The following MPPED2 variants were observed in gnomAD, a reference collection of about 807,000 sequenced individuals.
MPPED2 encodes the protein metallophosphoesterase MPPED2.
Under a neutral mutation model 33.0 loss-of-function variants are expected in MPPED2, and 5 were observed. The ratio of observed to expected loss-of-function variants is 0.15; its 90% CI spans 0.08 to 0.32. The LOEUF (loss-of-function observed/expected upper bound fraction) is 0.32. Ranked by LOEUF, MPPED2 falls within the 10% of genes least tolerant of loss-of-function variation. MPPED2 has a pLI of 1.00. For synonymous variants in MPPED2, 136 were observed against 141.9 expected (o/e 0.96, Z 0.29); for missense variants, 275 against 372.1 (o/e 0.74, Z 2.15).
chr11:30,487,019 A>G (rs1951772108), intron 4 of MPPED2, among the ~76,000 whole-genome samples: 1 of 152,224 alleles, frequency 6.6e-6, no homozygotes, highest in Admixed American at 6.5e-5. Context: ...TCATTCGTTC[A>G]GAAGACAGGG....
chr11:30,410,104 A>G (rs1041012734), downstream of MPPED2: 53 of 984,634 alleles, frequency 5.4e-5, no homozygotes, highest in Middle Eastern at 5.2e-4. Context: ...AAAATTAGGG[A>G]AAAAAATCAC....
At chr11:30,535,390 A>G (rs117034147) in intron 3 of MPPED2, among the ~76,000 whole-genome samples, 3,561 of 152,268 alleles carry the variant, frequency 0.023, 71 homozygotes, top group Admixed American at 0.053. Flanking sequence ...GGGTGCCTCC[A>G]CAATATCCAG....
At chr11:30,421,709 C>A (rs895838250) in intron 4 of MPPED2, among the ~76,000 whole-genome samples, 1 of 152,150 alleles carries the variant, frequency 6.6e-6, no homozygotes, top group Admixed American at 6.5e-5. Context: ...TGGGTTCTTC[C>A]CTTGCACAAT....
chr11:30,569,196 C>T (rs1019944126), intron 2 of MPPED2, among the ~76,000 whole-genome samples: 1 of 152,028 alleles, frequency 6.6e-6, no homozygotes, highest in East Asian at 1.9e-4. Context: ...CCACCACCAC[C>T]GAGGGGCACA....
intron 4 of MPPED2, among the ~76,000 whole-genome samples, chr11:30,419,540 C>T (rs890925756): frequency 1.1e-4 from 17 of 152,112 alleles, no homozygotes; most frequent in Non-Finnish European, 2.4e-4. Flanking sequence ...ATCTTTCCTC[C>T]GTCTTTTGGT....
chr11:30,494,537 A>T (rs923548080), intron 4 of MPPED2, among the ~76,000 whole-genome samples: 2 of 152,094 alleles, frequency 1.3e-5, no homozygotes, highest in Non-Finnish European at 1.5e-5. Context: ...CAGGAGTTCA[A>T]GACCAGCCTG....
intron 4 of MPPED2, among the ~76,000 whole-genome samples, chr11:30,485,089 A>G (rs1951660095): frequency 6.6e-6 from 1 of 152,208 alleles, no homozygotes; most frequent in African/African-American, 2.4e-5. Flanking sequence ...AACTTAACAT[A>G]CATGATCTTA....
intron 2 of MPPED2, among the ~76,000 whole-genome samples, chr11:30,538,178 A>C (rs531381307): frequency 1.2e-4 from 18 of 152,116 alleles, no homozygotes; most frequent in Non-Finnish European, 2.2e-4. Context: ...AAATATATGA[A>C]TAAATGTAAT....
At chr11:30,484,122 A>G (rs1355679976) in intron 4 of MPPED2, among the ~76,000 whole-genome samples, 1 of 152,084 alleles carries the variant, frequency 6.6e-6, no homozygotes, top group African/African-American at 2.4e-5. Context: ...ACCATTTTTT[A>G]TTTAATGTGA....
chr11:30,400,710 TCAAGA>T (rs1417325606), intron 6 of MPPED2, among the ~76,000 whole-genome samples: 2 of 152,162 alleles, frequency 1.3e-5, no homozygotes, highest in Admixed American at 6.5e-5. Context: ...ACTACATCAT[TCAAGA>T]TCAATTACTT....
intron 4 of MPPED2, among the ~76,000 whole-genome samples, chr11:30,440,110 A>C (rs967586588): frequency 6.6e-6 from 1 of 152,088 alleles, no homozygotes; most frequent in Non-Finnish European, 1.5e-5. Flanking sequence ...CGGGGGGATT[A>C]CCTGAGGTCA....
At chr11:30,403,744 G>T (rs149677058) in intron 6 of MPPED2, among the ~76,000 whole-genome samples, 1 of 151,934 alleles carries the variant, frequency 6.6e-6, no homozygotes, top group Non-Finnish European at 1.5e-5. Flanking sequence ...GCCATACTTC[G>T]GCTTCTCTCA....
chr11:30,537,178 G>T (rs900995966), intron 2 of MPPED2, among the ~76,000 whole-genome samples: 1 of 152,256 alleles, frequency 6.6e-6, no homozygotes, highest in East Asian at 1.9e-4. Context: ...GGGGTTTGTC[G>T]CAGAGTTAAG....
intron 4 of MPPED2, among the ~76,000 whole-genome samples, chr11:30,466,994 C>T (rs190026577): frequency 2.4e-4 from 37 of 152,198 alleles, no homozygotes; most frequent in East Asian, 2.3e-3. Context: ...ACAAAAATTT[C>T]GAATTTTTCC....
At chr11:30,494,657 G>A (rs753458621) in intron 4 of MPPED2, among the ~76,000 whole-genome samples, 2 of 139,008 alleles carry the variant, frequency 1.4e-5, no homozygotes, top group Non-Finnish European at 3.0e-5. Flanking sequence ...AGAATTGCTC[G>A]AACCCAGGAG....
chr11:30,384,185 A>G (rs1163042283), downstream of MPPED2, among the ~76,000 whole-genome samples: 1 of 152,206 alleles, frequency 6.6e-6, no homozygotes, highest in Non-Finnish European at 1.5e-5. Context: ...ACACAGAGAC[A>G]TGTAATCTTA....
chr11:30,509,082 A>G (rs929408584), intron 3 of MPPED2, among the ~76,000 whole-genome samples: 1 of 152,132 alleles, frequency 6.6e-6, no homozygotes, highest in African/African-American at 2.4e-5. Context: ...TCCTATTTTT[A>G]TTTTATTCAA....
At chr11:30,533,228 C>T (rs1053049778) in intron 3 of MPPED2, among the ~76,000 whole-genome samples, 1 of 152,080 alleles carries the variant, frequency 6.6e-6, no homozygotes, top group Non-Finnish European at 1.5e-5. Flanking sequence ...TACTAAATGA[C>T]CTTGGGTAAA....
intron 2 of MPPED2, among the ~76,000 whole-genome samples, chr11:30,579,172 G>A (rs189368276): frequency 5.6e-4 from 82 of 146,148 alleles, no homozygotes; most frequent in African/African-American, 1.6e-3. Context: ...TTTGGTTAGC[G>A]TTTGTAAATT....
Sources: gnomAD v4.1 joint callset for allele counts (sites outside exome capture counted in the v4.1 genomes callset) on GRCh38, gnomAD v4.1.1 for gene constraint, MANE v1.5 for transcripts, NCBI Gene and HGNC (gene_info 2026-07-23, HGNC 2026-07-21) for gene names.